Variants in NLGN1 observed in about 807,000 individuals in gnomAD.
NLGN1 encodes the protein neuroligin 1.
A neutral mutation model predicts 65.5 loss-of-function variants in NLGN1; 12 were observed. The observed-to-expected ratio is 0.18, with a 90% CI of 0.12 to 0.30. NLGN1 has a LOEUF of 0.30. Among genes scored for constraint, NLGN1 ranks in the 10% least tolerant of loss-of-function variants. The probability of loss-of-function intolerance (pLI) is 1.00; values close to 1 mark genes in which losing one functional copy is unlikely to be tolerated. For synonymous variants in NLGN1, 350 were observed against 359.5 expected (o/e 0.97, Z 0.30); for missense variants, 750 against 1,007.1 (o/e 0.74, Z 3.46).
intron 4 of NLGN1, among the ~76,000 whole-genome samples, chr3:174,250,933 A>C (rs1476166777): frequency 6.6e-6 from 1 of 152,122 alleles, no homozygotes; most frequent in African/African-American, 2.4e-5. Flanking sequence ...TGTTGAGCAC[A>C]ATATGACTAC....
chr3:173,529,035 C>T (rs1185470669), intron 2 of NLGN1, among the ~76,000 whole-genome samples: 1 of 152,156 alleles, frequency 6.6e-6, no homozygotes, highest in Non-Finnish European at 1.5e-5. Flanking sequence ...AATTCTTATG[C>T]TGGATCCTTA....
chr3:173,951,802 G>A (rs932724482), intron 4 of NLGN1, among the ~76,000 whole-genome samples: 5 of 152,044 alleles, frequency 3.3e-5, no homozygotes, highest in East Asian at 1.9e-4. Flanking sequence ...TATATAATAC[G>A]TCTTAGTGTC....
intron 4 of NLGN1, among the ~76,000 whole-genome samples, chr3:174,272,453 A>G (rs1037091825): frequency 6.6e-6 from 1 of 151,790 alleles, no homozygotes; most frequent in Non-Finnish European, 1.5e-5. Context: ...ACTTACCCAC[A>G]GGATGTTGTT....
chr3:173,994,491 A>AAAGAGAG (rs10688223), intron 4 of NLGN1, among the ~76,000 whole-genome samples: 4 of 81,212 alleles, frequency 4.9e-5, no homozygotes, highest in South Asian at 5.3e-4. Flanking sequence ...AAAAAAAAAA[A>AAAGAGAG]AGAGAGAGAG....
intron 4 of NLGN1, among the ~76,000 whole-genome samples, chr3:173,852,745 C>A (rs990769289): frequency 3.9e-5 from 6 of 152,124 alleles, no homozygotes; most frequent in African/African-American, 1.4e-4. Flanking sequence ...TCTTTCTATA[C>A]ATTTTCTATA....
intron 4 of NLGN1, among the ~76,000 whole-genome samples, chr3:174,070,039 CA>C (rs1008082649): frequency 6.6e-6 from 1 of 152,038 alleles, no homozygotes; most frequent in Non-Finnish European, 1.5e-5. Flanking sequence ...AGTAATTAGC[CA>C]GTACATAAAT....
chr3:174,010,222 C>T (rs1171085888), intron 4 of NLGN1, among the ~76,000 whole-genome samples: 2 of 152,178 alleles, frequency 1.3e-5, no homozygotes, highest in Non-Finnish European at 2.9e-5. Flanking sequence ...CCAACTCAGT[C>T]TCTGAAGCTC....
chr3:174,100,520 C>T (rs1481164097), intron 4 of NLGN1, among the ~76,000 whole-genome samples: 1 of 144,102 alleles, frequency 6.9e-6, no homozygotes, highest in Non-Finnish European at 1.5e-5. Flanking sequence ...CCACAAGCCC[C>T]CTTAGGATCT....
intron 3 of NLGN1, among the ~76,000 whole-genome samples, chr3:173,775,470 C>G (rs1780171493): frequency 6.8e-6 from 1 of 148,072 alleles, no homozygotes; most frequent in Admixed American, 6.8e-5. Context: ...CTTTCTGATG[C>G]TTTTTTTTTT....
chr3:173,482,892 G>C (rs73038167), intron 2 of NLGN1, among the ~76,000 whole-genome samples: 3 of 151,856 alleles, frequency 2.0e-5, no homozygotes, highest in Non-Finnish European at 4.4e-5. Flanking sequence ...AATTAGAAGG[G>C]TAACTTAGGA....
chr3:174,218,319 T>C (rs2152802615), intron 4 of NLGN1, among the ~76,000 whole-genome samples: 1 of 152,130 alleles, frequency 6.6e-6, no homozygotes, highest in East Asian at 1.9e-4. Flanking sequence ...AGTACAATTT[T>C]TTTTTTCCAG....
intron 4 of NLGN1, among the ~76,000 whole-genome samples, chr3:174,209,787 C>G (rs1433840964): frequency 6.6e-6 from 1 of 151,784 alleles, no homozygotes; most frequent in Non-Finnish European, 1.5e-5. Flanking sequence ...CACCCACCAC[C>G]ACATCCGGCT....
intron 3 of NLGN1, among the ~76,000 whole-genome samples, chr3:173,797,232 C>T (rs750199204): frequency 3.3e-5 from 5 of 152,098 alleles, no homozygotes; most frequent in African/African-American, 9.7e-5. Context: ...TGCCTTTAGG[C>T]GTAGAGATAA....
At chr3:173,985,400 C>G (rs1466878831) in intron 4 of NLGN1, among the ~76,000 whole-genome samples, 1 of 152,160 alleles carries the variant, frequency 6.6e-6, no homozygotes, top group East Asian at 1.9e-4. Flanking sequence ...TATGCAAATT[C>G]TAAGGGATTC....
intron 3 of NLGN1, among the ~76,000 whole-genome samples, chr3:173,655,803 G>A (rs935229346): frequency 3.3e-5 from 5 of 152,002 alleles, no homozygotes; most frequent in Admixed American, 6.6e-5. Context: ...GTATGAGAGC[G>A]TGAGGTTCTC....
At chr3:173,765,486 C>A (rs1209708392) in intron 3 of NLGN1, among the ~76,000 whole-genome samples, 1 of 152,094 alleles carries the variant, frequency 6.6e-6, no homozygotes, top group Non-Finnish European at 1.5e-5. Flanking sequence ...TAACTGGACT[C>A]CCTTGTCTTT....
At chr3:174,010,769 A>G (rs1318936531) in intron 4 of NLGN1, among the ~76,000 whole-genome samples, 1 of 152,180 alleles carries the variant, frequency 6.6e-6, no homozygotes, top group African/African-American at 2.4e-5. Context: ...GATTCATTGC[A>G]TTTTGCATTT....
intron 4 of NLGN1, among the ~76,000 whole-genome samples, chr3:174,009,764 T>G (rs187803591): frequency 4.6e-5 from 7 of 152,158 alleles, no homozygotes; most frequent in African/African-American, 1.7e-4. Flanking sequence ...AAGAGAAAAG[T>G]AGGAGTGATT....
intron 4 of NLGN1, among the ~76,000 whole-genome samples, chr3:174,064,564 A>G: frequency 6.7e-6 from 1 of 150,212 alleles, no homozygotes; most frequent in Non-Finnish European, 1.5e-5. Context: ...TAATTACATT[A>G]ATATTAATTA....
Sources: gnomAD v4.1 joint callset for allele counts (sites outside exome capture counted in the v4.1 genomes callset) on GRCh38, gnomAD v4.1.1 for gene constraint, MANE v1.5 for transcripts, NCBI Gene and HGNC (gene_info 2026-07-23, HGNC 2026-07-21) for gene names.